BLTP1: variants seen among roughly 807,000 people sequenced by gnomAD.
BLTP1 encodes fragile site-associated protein.
chr4:122,230,306 A>G, the BLTP1 span: 1 of 1,016,754 alleles, frequency 9.8e-7, no homozygotes, highest in Non-Finnish European at 1.5e-6. Flanking sequence ...ATGGACTAAG[A>G]ATATTTTAAA....
At chr4:122,189,505 T>G in the BLTP1 span, 1 of 863,158 alleles carries the variant, frequency 1.2e-6, no homozygotes, top group Non-Finnish European at 1.4e-6. Flanking sequence ...TTTTTTATTA[T>G]TTAATGTTTT....
chr4:122,307,851 T>C, the BLTP1 span: 1 of 1,519,416 alleles, frequency 6.6e-7, no homozygotes. Context: ...GTAATTTTTA[T>C]TAAGCAACAG....
chr4:122,297,161 T>C, the BLTP1 span, among the ~76,000 whole-genome samples: 1 of 152,146 alleles, frequency 6.6e-6, no homozygotes, highest in Admixed American at 6.5e-5. Flanking sequence ...TTTTTAAATC[T>C]ACCCATCTGA....
chr4:122,359,668 C>G, the BLTP1 span: 1 of 1,612,580 alleles, frequency 6.2e-7, no homozygotes, highest in Non-Finnish European at 8.5e-7. Context: ...ACTTATACTA[C>G]TGTGGACTGG....
the BLTP1 span, chr4:122,325,434 G>A: frequency 1.4e-6 from 2 of 1,396,548 alleles, no homozygotes; most frequent in African/African-American, 2.9e-5. Context: ...ATCAAAGTAT[G>A]GATTGTGATG....
At chr4:122,259,761 G>A in the BLTP1 span, 1 of 159,870 alleles carries the variant, frequency 6.3e-6, no homozygotes, top group African/African-American at 2.4e-5. Flanking sequence ...TCGGGAGGCT[G>A]AGGCAGAGAA....
chr4:122,254,056 C>G, the BLTP1 span: 2 of 718,092 alleles, frequency 2.8e-6, no homozygotes, highest in Non-Finnish European at 4.5e-6. Context: ...GCAAAAATAT[C>G]CTTCAAACCT....
chr4:122,356,583 T>C, the BLTP1 span: 1 of 1,599,662 alleles, frequency 6.3e-7, no homozygotes, highest in East Asian at 2.2e-5. Context: ...AATGGGAAGA[T>C]GACTCATTTT....
the BLTP1 span, chr4:122,291,710 AG>A: frequency 1.0e-6 from 1 of 976,756 alleles, no homozygotes; most frequent in Middle Eastern, 5.2e-4. Context: ...GCATATAAGG[AG>A]GTTACCATCT....
chr4:122,229,108 T>G, the BLTP1 span: 1 of 1,575,392 alleles, frequency 6.3e-7, no homozygotes, highest in Non-Finnish European at 8.6e-7. Flanking sequence ...TGTACAATCC[T>G]TTTTTATTTT....
At chr4:122,209,713 T>C in the BLTP1 span, 1 of 1,402,844 alleles carries the variant, frequency 7.1e-7, no homozygotes, top group Non-Finnish European at 9.6e-7. Context: ...GGAGAAATTC[T>C]TCTTTCAAAA....
chr4:122,309,283 C>T, the BLTP1 span: 1 of 1,612,378 alleles, frequency 6.2e-7, no homozygotes, highest in East Asian at 2.2e-5. Flanking sequence ...ATACTGGAGA[C>T]CTTGACACTG....
At chr4:122,319,857 A>G in the BLTP1 span, among the ~76,000 whole-genome samples, 2 of 151,798 alleles carry the variant, frequency 1.3e-5, no homozygotes, top group African/African-American at 4.8e-5. Context: ...TAATTTTTAA[A>G]AATGTGTTAA....
At chr4:122,328,488 C>T in the BLTP1 span, 4 of 776,182 alleles carry the variant, frequency 5.2e-6, no homozygotes, top group East Asian at 6.3e-5. Context: ...CTAACAGACT[C>T]ATTAAAATAA....
the BLTP1 span, among the ~76,000 whole-genome samples, chr4:122,297,529 C>G: frequency 6.6e-6 from 1 of 152,128 alleles, no homozygotes; most frequent in South Asian, 2.1e-4. Flanking sequence ...AGCAAAAATA[C>G]CATTTTGCCC....
chr4:122,205,978 A>C, the BLTP1 span: 6 of 984,906 alleles, frequency 6.1e-6, no homozygotes, highest in South Asian at 2.8e-4. Flanking sequence ...ACAAACTGCT[A>C]TGGTAGATGG....
At chr4:122,300,855 T>C in the BLTP1 span, 1 of 902,202 alleles carries the variant, frequency 1.1e-6, no homozygotes, top group Non-Finnish European at 1.3e-6. Context: ...GAAAGAGAAG[T>C]GGAAACAGAA....
At chr4:122,188,179 C>A in the BLTP1 span, 1 of 1,250,178 alleles carries the variant, frequency 8.0e-7, no homozygotes, top group South Asian at 2.2e-5. Context: ...TTTTTTGCTA[C>A]AAGTTGTACA....
At chr4:122,346,807 C>T in the BLTP1 span, 2 of 1,590,232 alleles carry the variant, frequency 1.3e-6, no homozygotes, top group Non-Finnish European at 1.7e-6. Flanking sequence ...AGCAGCAAGA[C>T]CTACAATTGA....
Sources: allele counts gnomAD v4.1 joint callset (sites outside exome capture counted in the v4.1 genomes callset), GRCh38; gene constraint gnomAD v4.1.1; transcripts MANE v1.5; gene names NCBI Gene and HGNC (gene_info 2026-07-23, HGNC 2026-07-21).